Variants in LARGE1 observed in about 807,000 individuals in gnomAD.
LARGE1 encodes xylosyl- and glucuronyltransferase LARGE1.
Under a neutral mutation model 87.6 loss-of-function variants are expected in LARGE1, and 43 were observed. The ratio of observed to expected loss-of-function variants is 0.49; its 90% confidence interval spans 0.38 to 0.63. The LOEUF (loss-of-function observed/expected upper bound fraction) is 0.63. LARGE1 is among the 30% of genes least tolerant of loss of function. The pLI, the probability that LARGE1 is intolerant of heterozygous loss-of-function variation, is 0.00. For missense variants in LARGE1, 802 were observed against 1,000.2 expected (o/e 0.80, Z 2.67); for synonymous variants, 434 against 394.6 (o/e 1.10, Z -1.18).
At chr22:33,779,859 C>T (rs2085362666) in intron 1 of LARGE1, among the ~76,000 whole-genome samples, 1 of 152,066 alleles carries the variant, frequency 6.6e-6, no homozygotes, top group Non-Finnish European at 1.5e-5. Context: ...CTGTATCTTC[C>T]TCTCCTAATT....
intron 1 of LARGE1, among the ~76,000 whole-genome samples, chr22:33,867,652 G>T (rs2064146446): frequency 6.6e-6 from 1 of 152,192 alleles, no homozygotes; most frequent in African/African-American, 2.4e-5. Flanking sequence ...AATGTCATGG[G>T]ATGGAGCCAC....
At chr22:33,627,937 G>C (rs966222093) in intron 3 of LARGE1, among the ~76,000 whole-genome samples, 1 of 152,084 alleles carries the variant, frequency 6.6e-6, no homozygotes, top group Admixed American at 6.6e-5. Context: ...TCCCTTTGCC[G>C]TTGACTGTTA....
intron 5 of LARGE1, among the ~76,000 whole-genome samples, chr22:33,578,141 A>C (rs2078406631): frequency 6.6e-6 from 1 of 152,230 alleles, no homozygotes. Context: ...TTTACTGTTT[A>C]ATATGATGGT....
chr22:33,243,855 GT>G (rs1926631795), intron 11 of LARGE1, among the ~76,000 whole-genome samples: 1 of 152,138 alleles, frequency 6.6e-6, no homozygotes, highest in African/African-American at 2.4e-5. Flanking sequence ...ATTCATTGGC[GT>G]TAGGGACTTA....
At chr22:33,714,222 C>T (rs557014630) in intron 2 of LARGE1, among the ~76,000 whole-genome samples, 61 of 152,178 alleles carry the variant, frequency 4.0e-4, no homozygotes, top group African/African-American at 1.3e-3. Context: ...TCATGTAATT[C>T]CAAAGAAATG....
chr22:33,817,798 T>C (rs1265472801), intron 1 of LARGE1, among the ~76,000 whole-genome samples: 1 of 152,150 alleles, frequency 6.6e-6, no homozygotes, highest in Admixed American at 6.5e-5. Context: ...TCATTTTTAT[T>C]AGTTATGCCT....
At chr22:33,079,809 C>G in the LARGE1 span, among the ~76,000 whole-genome samples, 6 of 152,020 alleles carry the variant, frequency 3.9e-5, no homozygotes, top group Non-Finnish European at 8.8e-5. Flanking sequence ...TACTCTGAGC[C>G]CCCAAGAAAA....
chr22:33,806,382 AG>A (rs1218944393), intron 1 of LARGE1, among the ~76,000 whole-genome samples: 1 of 152,214 alleles, frequency 6.6e-6, no homozygotes, highest in African/African-American at 2.4e-5. Context: ...TCTGGCCTCC[AG>A]GGCAGCCTAG....
At chr22:33,894,956 T>C (rs1188971497) in intron 1 of LARGE1, among the ~76,000 whole-genome samples, 4 of 151,980 alleles carry the variant, frequency 2.6e-5, no homozygotes, top group Non-Finnish European at 4.4e-5. Flanking sequence ...AGTTTAATGG[T>C]TTAATGGGAT....
intron 11 of LARGE1, among the ~76,000 whole-genome samples, chr22:33,194,469 G>A (rs1382976579): frequency 6.6e-6 from 1 of 152,134 alleles, no homozygotes; most frequent in African/African-American, 2.4e-5. Flanking sequence ...TCAAGGTTTA[G>A]AGATGGAGAG....
chr22:33,555,177 G>A (rs1302132446), intron 6 of LARGE1, among the ~76,000 whole-genome samples: 2 of 152,162 alleles, frequency 1.3e-5, no homozygotes, highest in African/African-American at 4.8e-5. Flanking sequence ...ATGATTTAAA[G>A]CATACAGGAG....
intron 11 of LARGE1, among the ~76,000 whole-genome samples, chr22:33,266,569 T>C (rs1484961097): frequency 6.6e-6 from 1 of 151,708 alleles, no homozygotes; most frequent in African/African-American, 2.4e-5. Flanking sequence ...TCCTTATCTT[T>C]AACATATGGA....
At chr22:33,167,955 C>T (rs1922362073) in intron 11 of LARGE1, among the ~76,000 whole-genome samples, 1 of 152,320 alleles carries the variant, frequency 6.6e-6, no homozygotes, top group Admixed American at 6.5e-5. Context: ...TTCCACCCAC[C>T]CTCCTGCAAA....
chr22:33,570,003 A>G (rs769287291), intron 5 of LARGE1, among the ~76,000 whole-genome samples: 1 of 152,220 alleles, frequency 6.6e-6, no homozygotes, highest in Non-Finnish European at 1.5e-5. Flanking sequence ...GATTGCTAAA[A>G]TCCAGGGTCA....
intron 4 of LARGE1, among the ~76,000 whole-genome samples, chr22:33,623,563 T>G (rs1384884564): frequency 2.0e-5 from 3 of 152,138 alleles, no homozygotes; most frequent in African/African-American, 7.2e-5. Flanking sequence ...GCTTGCTAAC[T>G]TGCCAGCTTG....
chr22:33,829,383 A>G (rs189893698), intron 1 of LARGE1, among the ~76,000 whole-genome samples: 166 of 152,038 alleles, frequency 1.1e-3, no homozygotes, highest in African/African-American at 3.8e-3. Flanking sequence ...CCCCACTACC[A>G]TTAAACTGCC....
At chr22:33,881,024 T>G (rs2064664570) in intron 1 of LARGE1, among the ~76,000 whole-genome samples, 1 of 152,110 alleles carries the variant, frequency 6.6e-6, no homozygotes, top group Admixed American at 6.6e-5. Flanking sequence ...TCCTCCAAAC[T>G]GTCCTTGTCT....
intron 6 of LARGE1, among the ~76,000 whole-genome samples, chr22:33,466,045 C>T (rs1160011775): frequency 1.3e-5 from 2 of 152,134 alleles, no homozygotes; most frequent in African/African-American, 4.8e-5. Context: ...ACGTCCCTAC[C>T]CAATATGTCC....
intron 11 of LARGE1, among the ~76,000 whole-genome samples, chr22:33,239,873 A>G (rs1488320396): frequency 6.6e-6 from 1 of 152,038 alleles, no homozygotes; most frequent in African/African-American, 2.4e-5. Flanking sequence ...ATTTTCTTTT[A>G]GATTTGAAGA....
Sources: gnomAD v4.1 joint callset for allele counts (sites outside exome capture counted in the v4.1 genomes callset) on GRCh38, gnomAD v4.1.1 for gene constraint, MANE v1.5 for transcripts, NCBI Gene and HGNC (gene_info 2026-07-23, HGNC 2026-07-21) for gene names.